The following SEMA3D variants were observed in gnomAD, a reference collection of about 807,000 sequenced individuals.
SEMA3D encodes semaphorin-3D.
A neutral mutation model predicts 100.1 loss-of-function variants in SEMA3D; 84 were observed. That is an observed-to-expected ratio of 0.84 (90% CI 0.70 to 1.01). The LOEUF (loss-of-function observed/expected upper bound fraction) is 1.01, where lower values mean the gene tolerates loss of function less well. Ranked by LOEUF, SEMA3D falls within the 50% of genes least tolerant of loss-of-function variation. The pLI, the probability that SEMA3D is intolerant of heterozygous loss-of-function variation, is 0.00. For synonymous variants in SEMA3D, 312 were observed against 320.7 expected (o/e 0.97, Z 0.29); for missense variants, 875 against 934.1 (o/e 0.94, Z 0.82).
chr7:85,189,239 T>C (rs1222051050), upstream of SEMA3D, among the ~76,000 whole-genome samples: 1 of 152,164 alleles, frequency 6.6e-6, no homozygotes, highest in African/African-American at 2.4e-5. Flanking sequence ...TTGAATGTGT[T>C]AGGTGCTTAA....
At chr7:85,235,794 A>G in the SEMA3D span, among the ~76,000 whole-genome samples, 1 of 152,148 alleles carries the variant, frequency 6.6e-6, no homozygotes, top group African/African-American at 2.4e-5. Context: ...TGTTTTCTCC[A>G]TAAGTAGGAA....
the SEMA3D span, among the ~76,000 whole-genome samples, chr7:85,227,059 A>C: frequency 6.6e-6 from 1 of 152,198 alleles, no homozygotes; most frequent in Non-Finnish European, 1.5e-5. Flanking sequence ...TATTTTCTTG[A>C]AAAATGATAT....
At chr7:85,174,852 G>T (rs975628234) in intron 1 of SEMA3D, among the ~76,000 whole-genome samples, 68 of 152,060 alleles carry the variant, frequency 4.5e-4, no homozygotes, top group African/African-American at 1.6e-3. Context: ...CTTAGGGAAA[G>T]AGCACAGCAA....
intron 8 of SEMA3D, among the ~76,000 whole-genome samples, chr7:85,056,876 G>A (rs1435542585): frequency 8.8e-6 from 1 of 113,348 alleles, no homozygotes; most frequent in Non-Finnish European, 1.8e-5. Context: ...AATTTATATA[G>A]CATACATATA....
At chr7:85,195,030 G>A in the SEMA3D span, among the ~76,000 whole-genome samples, 2 of 152,056 alleles carry the variant, frequency 1.3e-5, no homozygotes, top group Non-Finnish European at 2.9e-5. Context: ...AATTGGTGGA[G>A]GTCACAATTC....
chr7:85,115,871 T>G (rs149814140), intron 3 of SEMA3D, among the ~76,000 whole-genome samples: 13 of 152,272 alleles, frequency 8.5e-5, no homozygotes, highest in African/African-American at 2.6e-4. Flanking sequence ...GGTAAGTGCA[T>G]GTTTAATAGT....
Position 85,122,140 on chromosome 7 carries a change from A to C in SEMA3D, c.-40-209T>G, listed in dbSNP as rs2040956. Among the ~76,000 whole-genome samples, 954 of 151,914 alleles carry C rather than the reference A, an allele frequency of 6.3e-3. 15 individuals are homozygous for C. The highest frequency in any genetic ancestry group is 0.022 in the African/African-American group (897 of 41,430). On this transcript the variant is annotated intron_variant, in intron 2 of 18. Transcript: ENST00000284136. ...TTAGGAGAAATACCTAATGTAGATG[A>C]CAGGTTGATGGGTGCAGCAAACCAC...
At chr7:85,014,003 CT>C (rs1790029110) in intron 16 of SEMA3D, among the ~76,000 whole-genome samples, 1 of 151,738 alleles carries the variant, frequency 6.6e-6, no homozygotes, top group Non-Finnish European at 1.5e-5. Flanking sequence ...TGACTTTTAA[CT>C]TTTAATTTCT....
the SEMA3D span, among the ~76,000 whole-genome samples, chr7:85,231,994 T>A: frequency 6.6e-6 from 1 of 152,200 alleles, no homozygotes; most frequent in Admixed American, 6.5e-5. Flanking sequence ...AATTGTCGAA[T>A]TCCAGTGAAA....
At chr7:85,242,541 G>A in the SEMA3D span, among the ~76,000 whole-genome samples, 1 of 152,064 alleles carries the variant, frequency 6.6e-6, no homozygotes, top group Admixed American at 6.6e-5. Flanking sequence ...TGGCCTTAGA[G>A]CAAACATTGT....
Position 85,072,962 on chromosome 7 carries a change from C to T in SEMA3D, c.495G>A (p.Glu165=). ...CGYIDLGVYK[E]DIIFKLDTHN... ...TTTTCATGCTTTTTCATTATATTACCTCCTTGTAGACTCCAAGATCAATAT... is the reference window on the plus strand; with the variant it reads ...TTTTCATGCTTTTTCATTATATTACTTCCTTGTAGACTCCAAGATCAATAT... The change falls in exon 6 of 19, where the codon GAG becomes GAA. Residue 165 remains glutamate (E), a splice_region_variant and synonymous_variant. Transcript: ENST00000284136. 1 of 1,593,788 alleles carries T rather than the reference C, an allele frequency of 6.3e-7. No homozygotes were observed. The highest frequency in any genetic ancestry group is 8.5e-7 in the Non-Finnish European group (1 of 1,170,894).
At chr7:85,218,962 T>G in the SEMA3D span, among the ~76,000 whole-genome samples, 2 of 152,238 alleles carry the variant, frequency 1.3e-5, no homozygotes. Flanking sequence ...CAATTAAAAC[T>G]AAGAAGTAGA....
chr7:85,043,770 C>T (rs995225944), intron 9 of SEMA3D, among the ~76,000 whole-genome samples: 2 of 152,116 alleles, frequency 1.3e-5, no homozygotes, highest in African/African-American at 4.8e-5. Context: ...CATAAGCTCT[C>T]CTTGCCTGCT....
At chr7:85,032,761 C>T (rs1301086154) in intron 12 of SEMA3D, among the ~76,000 whole-genome samples, 1 of 151,962 alleles carries the variant, frequency 6.6e-6, no homozygotes, top group African/African-American at 2.4e-5. Flanking sequence ...CCTTCTTTAA[C>T]CACAACTGTA....
At chr7:85,102,895 C>A (rs548545531) in intron 3 of SEMA3D, among the ~76,000 whole-genome samples, 74 of 152,054 alleles carry the variant, frequency 4.9e-4, no homozygotes, top group South Asian at 1.0e-3. Context: ...ACCAACTTTA[C>A]AAGAAAAAAC....
chr7:85,047,599 T>C (rs1791045501), intron 9 of SEMA3D, among the ~76,000 whole-genome samples: 1 of 151,868 alleles, frequency 6.6e-6, no homozygotes, highest in Non-Finnish European at 1.5e-5. Flanking sequence ...TAATTGACTT[T>C]CGGCTCCTAT....
At chr7:85,154,355 T>C (rs1049988095) in intron 1 of SEMA3D, among the ~76,000 whole-genome samples, 1 of 152,086 alleles carries the variant, frequency 6.6e-6, no homozygotes, top group East Asian at 1.9e-4. Flanking sequence ...CTTATTTTAT[T>C]TTTTAGAAAG....
At chr7:85,010,729 G>A (rs1789927940) in intron 17 of SEMA3D, among the ~76,000 whole-genome samples, 1 of 151,844 alleles carries the variant, frequency 6.6e-6, no homozygotes, top group Non-Finnish European at 1.5e-5. Flanking sequence ...TCAGACATAA[G>A]TTTGAAATGC....
chr7:85,238,084 A>G, the SEMA3D span, among the ~76,000 whole-genome samples: 1 of 152,062 alleles, frequency 6.6e-6, no homozygotes, highest in African/African-American at 2.4e-5. Context: ...CTGTTCAGGT[A>G]TTTTGCACGT....
Sources: gnomAD v4.1 joint callset for allele counts (sites outside exome capture counted in the v4.1 genomes callset) on GRCh38, gnomAD v4.1.1 for gene constraint, MANE v1.5 for transcripts, NCBI Gene and HGNC (gene_info 2026-07-23, HGNC 2026-07-21) for gene names.